The following TAFA1 variants were observed in gnomAD, a reference collection of about 807,000 sequenced individuals.
TAFA1 encodes chemokine-like protein TAFA-1.
A neutral mutation model predicts 18.5 loss-of-function variants in TAFA1; 4 were observed. The observed-to-expected ratio is 0.22, with a 90% CI of 0.11 to 0.49. The LOEUF is 0.49. Among genes scored for constraint, TAFA1 ranks in the 20% least tolerant of loss-of-function variants. TAFA1 has a pLI of 0.98. For missense variants in TAFA1, 147 were observed against 169.0 expected (o/e 0.87, Z 0.72); for synonymous variants, 56 against 55.2 (o/e 1.01, Z -0.06).
At chr3:68,051,197 T>A (rs1296781487) in intron 2 of TAFA1, among the ~76,000 whole-genome samples, 1 of 151,958 alleles carries the variant, frequency 6.6e-6, no homozygotes, top group East Asian at 1.9e-4. Flanking sequence ...AGGCTTAGAG[T>A]ATGTGGATTA....
chr3:68,355,397 C>G (rs1461292266), intron 2 of TAFA1, among the ~76,000 whole-genome samples: 1 of 151,962 alleles, frequency 6.6e-6, no homozygotes, highest in African/African-American at 2.4e-5. Context: ...CTTAACCTCC[C>G]TTTACCTCAG....
intron 2 of TAFA1, among the ~76,000 whole-genome samples, chr3:68,328,917 T>A (rs1427106601): frequency 1.3e-5 from 2 of 151,696 alleles, no homozygotes; most frequent in Non-Finnish European, 2.9e-5. Flanking sequence ...TGTTATGAAA[T>A]AAAAATCAAA....
intron 2 of TAFA1, among the ~76,000 whole-genome samples, chr3:68,146,820 T>C (rs979834485): frequency 2.6e-5 from 4 of 152,134 alleles, no homozygotes; most frequent in African/African-American, 9.7e-5. Flanking sequence ...CTAAAATAGC[T>C]CATCTAATAA....
At chr3:68,150,001 T>C (rs763521587) in intron 2 of TAFA1, among the ~76,000 whole-genome samples, 3 of 152,220 alleles carry the variant, frequency 2.0e-5, no homozygotes, top group South Asian at 4.1e-4. Flanking sequence ...AGATACTGCA[T>C]AGGTAATGAA....
intron 2 of TAFA1, among the ~76,000 whole-genome samples, chr3:68,314,972 AAG>A (rs1283681297): frequency 1.4e-5 from 2 of 147,812 alleles, no homozygotes; most frequent in Non-Finnish European, 3.0e-5. Context: ...ATAAGAGAAA[AAG>A]AAAATATATT....
intron 2 of TAFA1, among the ~76,000 whole-genome samples, chr3:68,354,400 G>T (rs374025377): frequency 1.3e-5 from 2 of 151,898 alleles, no homozygotes; most frequent in East Asian, 3.9e-4. Context: ...AGATGCTACT[G>T]CTCTTTTAGG....
At chr3:68,146,318 G>C (rs553223051) in intron 2 of TAFA1, among the ~76,000 whole-genome samples, 2 of 152,288 alleles carry the variant, frequency 1.3e-5, no homozygotes, top group African/African-American at 4.8e-5. Context: ...GCAAGGTGTA[G>C]ATGAGGAAGT....
intron 2 of TAFA1, among the ~76,000 whole-genome samples, chr3:68,349,579 A>G (rs1388502): frequency 6.6e-6 from 1 of 151,808 alleles, no homozygotes; most frequent in African/African-American, 2.4e-5. Context: ...AAAAAAAGTC[A>G]AGATAAGCAG....
chr3:68,428,069 G>A (rs144214250), intron 3 of TAFA1, among the ~76,000 whole-genome samples: 23 of 151,944 alleles, frequency 1.5e-4, no homozygotes, highest in East Asian at 7.8e-4. Flanking sequence ...CCCACTAACC[G>A]GAGCAGAGAT....
At chr3:68,155,317 C>G (rs975858849) in intron 2 of TAFA1, among the ~76,000 whole-genome samples, 11 of 152,160 alleles carry the variant, frequency 7.2e-5, no homozygotes, top group Admixed American at 7.2e-4. Flanking sequence ...ACTGTGCAGC[C>G]TTAGCAGACA....
intron 2 of TAFA1, among the ~76,000 whole-genome samples, chr3:68,165,231 T>C (rs1354794605): frequency 6.6e-6 from 1 of 152,216 alleles, no homozygotes; most frequent in African/African-American, 2.4e-5. Context: ...AAAATGTTAG[T>C]AAATTTGCAG....
chr3:68,526,288 A>G (rs1375954896), intron 3 of TAFA1, among the ~76,000 whole-genome samples: 2 of 152,188 alleles, frequency 1.3e-5, no homozygotes, highest in Non-Finnish European at 2.9e-5. Flanking sequence ...ATAACTTTTC[A>G]TTAGTCTGAC....
intron 2 of TAFA1, among the ~76,000 whole-genome samples, chr3:68,280,863 T>G (rs778658755): frequency 2.6e-5 from 4 of 152,188 alleles, no homozygotes; most frequent in Non-Finnish European, 4.4e-5. Flanking sequence ...CAGATCTTGG[T>G]TCTTCTCAAC....
rs181060499 is a variant in TAFA1 at position 68,353,819 on chromosome 3, C to T, written c.119-63461C>T. On this transcript the variant is annotated intron_variant, in intron 2 of 4. Coordinates refer to ENST00000478136, the MANE Select transcript of TAFA1 (RefSeq NM_213609.4). The stretch of plus-strand genomic sequence containing the variant: ...AATCCACCAGGCTTGCTTTATTCCA[C>T]GTATGGGCTAAAAAAGAGTAAGCTC... Among the ~76,000 whole-genome samples, 20 of 152,100 alleles carry T rather than the reference C, an allele frequency of 1.3e-4. No homozygotes were observed. In the South Asian group the frequency reaches 3.5e-3, roughly 27 times the overall value.
Position 68,447,796 on chromosome 3 carries a change from G to A in TAFA1, c.259+30376G>A, listed in dbSNP as rs554759876. ...AGCCTGTGTGAGGAAGTATTCTGAA[G>A]CAATGTTCTGCCTAGGAAAGCTATA... On this transcript the variant is annotated intron_variant, in intron 3 of 4. Coordinates refer to ENST00000478136, the MANE Select transcript of TAFA1 (RefSeq NM_213609.4). Among the ~76,000 whole-genome samples the A allele has an allele frequency of 2.6e-5, 4 of 152,318 alleles. No individual in the cohort carries two copies. The South Asian group carries it at 8.3e-4, about 32-fold the overall frequency.
intron 3 of TAFA1, among the ~76,000 whole-genome samples, chr3:68,444,706 A>G (rs2071444634): frequency 6.7e-6 from 1 of 150,256 alleles, no homozygotes; most frequent in Admixed American, 6.7e-5. Context: ...CCAAGTCAGG[A>G]GTATTACTTA....
At chr3:68,300,551 G>C (rs2068284936) in intron 2 of TAFA1, among the ~76,000 whole-genome samples, 1 of 152,110 alleles carries the variant, frequency 6.6e-6, no homozygotes, top group Non-Finnish European at 1.5e-5. Flanking sequence ...CTGGAATGAA[G>C]TTATACTTTG....
chr3:68,396,901 C>T (rs1234933614), intron 2 of TAFA1, among the ~76,000 whole-genome samples: 1 of 152,082 alleles, frequency 6.6e-6, no homozygotes, highest in Non-Finnish European at 1.5e-5. Flanking sequence ...TTTTAAGGTC[C>T]ACTATGAATT....
chr3:68,116,256 AAAAC>A (rs138208356), intron 2 of TAFA1, among the ~76,000 whole-genome samples: 65,466 of 150,994 alleles, frequency 0.43, 14,547 homozygotes, highest in African/African-American at 0.5. Context: ...TGCCGTCGCA[AAAAC>A]AAACAAACAA....
Sources: allele counts gnomAD v4.1 joint callset (sites outside exome capture counted in the v4.1 genomes callset), GRCh38; gene constraint gnomAD v4.1.1; transcripts MANE v1.5; gene names NCBI Gene and HGNC (gene_info 2026-07-23, HGNC 2026-07-21).